Variants in NREP observed in about 807,000 individuals in gnomAD.
NREP encodes neuronal regeneration-related protein.
NREP carries 5 observed loss-of-function variants against 8.6 expected under a neutral mutation model. The ratio of observed to expected loss-of-function variants is 0.58; its 90% CI spans 0.30 to 1.22. The LOEUF is 1.22. Among genes scored for constraint, NREP ranks in the 50% most tolerant of loss-of-function variants. NREP has a pLI of 0.07. For synonymous variants in NREP, 27 were observed against 28.0 expected (o/e 0.96, Z 0.11); for missense variants, 86 against 82.5 (o/e 1.04, Z -0.17).
At chr5:111,751,127 T>C (rs1411323039) in intron 2 of NREP, among the ~76,000 whole-genome samples, 2 of 152,216 alleles carry the variant, frequency 1.3e-5, no homozygotes, top group African/African-American at 4.8e-5. Flanking sequence ...GAAATATTTG[T>C]TGAGCTTCTA....
chr5:111,892,779 T>G (rs1754425031), intron 2 of NREP, among the ~76,000 whole-genome samples: 1 of 152,050 alleles, frequency 6.6e-6, no homozygotes, highest in Admixed American at 6.6e-5. Context: ...CTCTGGAGAC[T>G]TAGTGCCACA....
intron 2 of NREP, among the ~76,000 whole-genome samples, chr5:111,913,526 G>C (rs1293096594): frequency 6.6e-6 from 1 of 152,078 alleles, no homozygotes; most frequent in Non-Finnish European, 1.5e-5. Context: ...CAGATTAACA[G>C]GGATGTGAGT....
intron 2 of NREP, among the ~76,000 whole-genome samples, chr5:111,856,217 T>A (rs1214679717): frequency 1.3e-5 from 2 of 152,256 alleles, no homozygotes; most frequent in East Asian, 3.9e-4. Flanking sequence ...ATCGTAAACA[T>A]ATGAACTAGA....
At chr5:111,956,192 G>A (rs993477532) in intron 2 of NREP, among the ~76,000 whole-genome samples, 40 of 152,184 alleles carry the variant, frequency 2.6e-4, no homozygotes, top group Non-Finnish European at 4.9e-4. Flanking sequence ...GGAGCTCAGA[G>A]ACAGGAGAAT....
At chr5:111,814,845 G>A (rs1338353393) in intron 2 of NREP, among the ~76,000 whole-genome samples, 1 of 151,992 alleles carries the variant, frequency 6.6e-6, no homozygotes, top group East Asian at 1.9e-4. Context: ...CTATTGAATA[G>A]TTAGTAGGAA....
At chr5:111,962,099 G>T (rs1756496015) in intron 2 of NREP, among the ~76,000 whole-genome samples, 1 of 152,190 alleles carries the variant, frequency 6.6e-6, no homozygotes, top group African/African-American at 2.4e-5. Flanking sequence ...AGCTCAGGTT[G>T]CCTAAATAGT....
At chr5:111,961,080 A>G (rs1170537192) in intron 2 of NREP, among the ~76,000 whole-genome samples, 7 of 152,232 alleles carry the variant, frequency 4.6e-5, no homozygotes, top group Admixed American at 2.6e-4. Flanking sequence ...TGTAACATTT[A>G]TCTTAACCCT....
intron 2 of NREP, among the ~76,000 whole-genome samples, chr5:111,894,686 A>G (rs983597256): frequency 1.3e-5 from 2 of 152,186 alleles, no homozygotes; most frequent in Non-Finnish European, 2.9e-5. Context: ...TGTACCTATG[A>G]TCCAGGCTGC....
In NREP at chr5:111,731,046, C is replaced by T. The variant is rs1473786359; in HGVS notation, c.82G>A (p.Gly28Arg). 1.2e-6 allele frequency: 2 copies of T among 1,613,668 alleles called. No individual in the cohort carries two copies. Among genetic ancestry groups the T allele is most frequent in the Non-Finnish European group, 1.7e-6 (2 of 1,179,738 alleles). Residue 28 changes from glycine to arginine, a missense_variant and splice_region_variant, in exon 4 of 4, where the codon GGA becomes AGA. Physicochemically the swap from Gly to Arg is moderately radical, Grantham distance 125. Transcript: ENST00000257435. ...ACTTCCTTTGGGACAGGAAGTCTTC[C>T]CTGCAAAGCAGGCAGACCCACACAC... The part of the protein sequence containing the change: ...NKDMEGRLPK[G>R]RLPVPKEVNR...
chr5:111,783,443 T>C (rs779252720), intron 2 of NREP, among the ~76,000 whole-genome samples: 35 of 152,350 alleles, frequency 2.3e-4, no homozygotes, highest in Admixed American at 1.2e-3. Flanking sequence ...CTTAACTTTA[T>C]CACCCAGGTG....
intron 2 of NREP, among the ~76,000 whole-genome samples, chr5:111,736,772 T>C (rs368574426): frequency 6.6e-6 from 1 of 152,206 alleles, no homozygotes; most frequent in South Asian, 2.1e-4. Context: ...GTCCTGATGA[T>C]AAGCCAATAA....
chr5:111,792,234 T>C (rs1751766104), intron 2 of NREP, among the ~76,000 whole-genome samples: 1 of 152,232 alleles, frequency 6.6e-6, no homozygotes, highest in Non-Finnish European at 1.5e-5. Flanking sequence ...TCTGCATGAA[T>C]GCATATTAAC....
At chr5:111,861,704 G>C (rs1292678942) in intron 2 of NREP, among the ~76,000 whole-genome samples, 2 of 152,090 alleles carry the variant, frequency 1.3e-5, no homozygotes, top group Non-Finnish European at 2.9e-5. Context: ...AATACATTTT[G>C]CTTTAGATGT....
At chr5:111,790,464 CA>C (rs1449151842) in intron 2 of NREP, among the ~76,000 whole-genome samples, 1 of 130,092 alleles carries the variant, frequency 7.7e-6, no homozygotes, top group East Asian at 2.6e-4. Context: ...GGTATTTGTT[CA>C]GGAATGTTTA....
chr5:111,886,471 A>G (rs62371614), intron 2 of NREP, among the ~76,000 whole-genome samples: 12 of 152,050 alleles, frequency 7.9e-5, no homozygotes, highest in South Asian at 2.1e-4. Context: ...CCCATTACTG[A>G]GTATATACCC....
chr5:111,886,479 C>T (rs1190350266), intron 2 of NREP, among the ~76,000 whole-genome samples: 1 of 152,004 alleles, frequency 6.6e-6, no homozygotes, highest in Admixed American at 6.6e-5. Flanking sequence ...TGAGTATATA[C>T]CCAAAGGACT....
At chr5:111,745,112 C>T (rs968417096) in intron 2 of NREP, among the ~76,000 whole-genome samples, 1 of 152,142 alleles carries the variant, frequency 6.6e-6, no homozygotes, top group East Asian at 1.9e-4. Context: ...TCCAGGTGCA[C>T]TCATTTAATC....
chr5:111,762,812 G>A (rs1053725341), intron 2 of NREP, among the ~76,000 whole-genome samples: 3 of 152,170 alleles, frequency 2.0e-5, no homozygotes, highest in Non-Finnish European at 4.4e-5. Context: ...CTAATAGACC[G>A]CCCTTGCAGC....
chr5:111,749,811 A>G (rs1421235934), intron 2 of NREP, among the ~76,000 whole-genome samples: 2 of 152,160 alleles, frequency 1.3e-5, no homozygotes. Context: ...CCAGTTTCTC[A>G]AGAAAAGGAT....
Sources: allele counts gnomAD v4.1 joint callset (sites outside exome capture counted in the v4.1 genomes callset), GRCh38; gene constraint gnomAD v4.1.1; transcripts MANE v1.5; gene names NCBI Gene and HGNC (gene_info 2026-07-23, HGNC 2026-07-21).